The following USPL1 variants were observed in gnomAD, a reference collection of about 807,000 sequenced individuals.
USPL1 encodes ubiquitin specific peptidase like 1.
A neutral mutation model predicts 51.5 loss-of-function variants in USPL1; 27 were observed. That is an observed-to-expected ratio of 0.52 (90% CI 0.39 to 0.72). USPL1 has a LOEUF of 0.72. Ranked by LOEUF, USPL1 falls within the 30% of genes least tolerant of loss-of-function variation. USPL1 has a pLI of 0.00. For synonymous variants in USPL1, 451 were observed against 459.6 expected (o/e 0.98, Z 0.24); for missense variants, 1,226 against 1,268.0 (o/e 0.97, Z 0.50).
Position 30,658,696 on chromosome 13 carries a change from T to G in USPL1, c.2619T>G (p.Ser873=). The G allele has an allele frequency of 6.2e-7, 1 of 1,614,246 alleles. No individual in the cohort carries two copies. Among genetic ancestry groups the G allele is most frequent in the Non-Finnish European group, 8.5e-7 (1 of 1,180,044 alleles). Residue 873 remains serine, a synonymous_variant, in exon 9 of 9, where the codon TCT becomes TCG. Transcript: ENST00000255304. ...ACAGTTCTTATGGGAATGGTATTTC[T>G]TCAGCAAACCATGAAGACTTGGTGG... ...LNHSSYGNGI[S]SANHEDLVEG... is the part of the protein sequence containing the mutation.
intron 3 of USPL1, among the ~76,000 whole-genome samples, chr13:30,630,006 CT>C (rs1466823724): frequency 2.0e-5 from 3 of 151,984 alleles, no homozygotes. Flanking sequence ...CAGGGTCTTG[CT>C]CTGTTGCCCA....
chr13:30,626,152 C>T lies in USPL1; in HGVS notation c.228+4260C>T, dbSNP rs565862029. On this transcript the variant is annotated intron_variant, in intron 3 of 8. Transcript: ENST00000255304. ...CCAACATGGTGAAAACCTGTCTCTA[C>T]TAAAAATACAAAATAGCCGGGTGTG... Among the ~76,000 whole-genome samples the T allele has an allele frequency of 1.4e-3, 216 of 152,118 alleles. 2 individuals carry two copies. The highest frequency in any genetic ancestry group is 3.4e-4 in the Non-Finnish European group (23 of 67,980).
At chr13:30,641,498 G>A (rs9579623) in intron 5 of USPL1, among the ~76,000 whole-genome samples, 7,460 of 152,292 alleles carry the variant, frequency 0.049, 616 homozygotes, top group African/African-American at 0.17. Flanking sequence ...AGGGATGGAA[G>A]GACTCAGTCT....
chr13:30,645,960 T>C (rs2137686866), intron 6 of USPL1, among the ~76,000 whole-genome samples: 1 of 152,352 alleles, frequency 6.6e-6, no homozygotes, highest in Non-Finnish European at 1.5e-5. Context: ...CAGTCTCCTT[T>C]TTATAAACTA....
In USPL1 at chr13:30,659,414, T is replaced by C; in HGVS notation, c.*58T>C. On this transcript the variant is annotated 3_prime_UTR_variant, in exon 9 of 9. Coordinates refer to ENST00000255304, the MANE Select transcript of USPL1 (RefSeq NM_005800.5). ...TTATTATTATTAGAAGAACTTACAA[T>C]GTGTTCAGGTAGTGTTTATACACTG... 3 of 1,380,244 alleles carry C rather than the reference T, an allele frequency of 2.2e-6. No individual in the cohort carries two copies. Among genetic ancestry groups the C allele is most frequent in the Non-Finnish European group, 2.9e-6 (3 of 1,037,936 alleles). The allele number at this position is 1,380,244 out of a possible 1,614,324, so 85.5% of individuals were successfully genotyped here.
At chr13:30,646,388 G>C (rs1023935457) in intron 6 of USPL1, among the ~76,000 whole-genome samples, 2 of 151,746 alleles carry the variant, frequency 1.3e-5, no homozygotes, top group African/African-American at 4.8e-5. Context: ...AAGTTAAGTT[G>C]TATGTATTCC....
At chr13:30,646,075 A>T (rs1434374821) in intron 6 of USPL1, among the ~76,000 whole-genome samples, 1 of 152,200 alleles carries the variant, frequency 6.6e-6, no homozygotes, top group Non-Finnish European at 1.5e-5. Context: ...TTAAAATGTT[A>T]ACCTCCCTGA....
chr13:30,647,295 T>A (rs963189900), intron 7 of USPL1, among the ~76,000 whole-genome samples: 11 of 152,164 alleles, frequency 7.2e-5, no homozygotes, highest in African/African-American at 2.7e-4. Context: ...TGTCTTTCCT[T>A]CTTTTTGCCT....
intron 3 of USPL1, among the ~76,000 whole-genome samples, chr13:30,626,280 C>T (rs1026720294): frequency 6.6e-6 from 1 of 151,886 alleles, no homozygotes; most frequent in African/African-American, 2.4e-5. Flanking sequence ...AGCCACTGCA[C>T]TCCAGCCTGG....
chr13:30,659,297 T>C lies in USPL1; in HGVS notation c.3220T>C (p.Leu1074=), dbSNP rs773469117. The change falls in exon 9 of 9, where the codon TTA becomes CTA. Residue 1074 remains leucine (L), a synonymous_variant. Coordinates refer to ENST00000255304, the MANE Select transcript of USPL1 (RefSeq NM_005800.5). ...EFFSSSALNA[L]ANDTLDLPHF... Reference sequence around the variant, plus strand: ...TTTTTCCTCCTCAGCATTAAATGCTTTAGCAAATGACACATTAGACCTACC... The same window carrying C: ...TTTTTCCTCCTCAGCATTAAATGCTCTAGCAAATGACACATTAGACCTACC... 1 of 1,613,924 alleles carries C rather than the reference T, an allele frequency of 6.2e-7. No individual in the cohort carries two copies.
intron 7 of USPL1, among the ~76,000 whole-genome samples, chr13:30,649,595 A>G (rs1208209390): frequency 6.6e-6 from 1 of 152,218 alleles, no homozygotes; most frequent in Non-Finnish European, 1.5e-5. Flanking sequence ...CCATGGTGAC[A>G]TGGAGCACCA....
chr13:30,635,506 C>G (rs545372332), intron 4 of USPL1, among the ~76,000 whole-genome samples: 27 of 152,240 alleles, frequency 1.8e-4, no homozygotes, highest in African/African-American at 6.5e-4. Flanking sequence ...TTTGTCTAAC[C>G]CAGCACTCAT....
intron 7 of USPL1, among the ~76,000 whole-genome samples, chr13:30,648,586 T>A (rs1951048184): frequency 6.6e-6 from 1 of 152,234 alleles, no homozygotes; most frequent in Admixed American, 6.5e-5. Flanking sequence ...CACTCCGTAG[T>A]ACTCATGTCT....
Position 30,642,730 on chromosome 13 carries a change from C to G in USPL1, c.1085C>G (p.Ser362Trp), listed in dbSNP as rs528822246. The change falls in exon 6 of 9, where the codon TCG becomes TGG. Residue 362 changes from serine (S) to tryptophan (W), a missense_variant. Coordinates refer to ENST00000255304, the MANE Select transcript of USPL1 (RefSeq NM_005800.5). ...TCTTTTTCTTGGGACTTTGAATGTTCGCAGTGTGGACACCAATATCAAAAC... is the reference window on the plus strand; with the variant it reads ...TCTTTTTCTTGGGACTTTGAATGTTGGCAGTGTGGACACCAATATCAAAAC... The part of the protein sequence containing the change: ...LYSFSWDFEC[S>W]QCGHQYQNRH... 1 of 1,613,438 alleles carries G rather than the reference C, an allele frequency of 6.2e-7. No individual in the cohort carries two copies. The highest frequency in any genetic ancestry group is 1.7e-5 in the Admixed American group (1 of 59,914).
At position 30,621,856 on chromosome 13, in the gene USPL1, T is replaced by C. The variant is rs750955136; in HGVS notation, c.192T>C (p.Ser64=). Residue 64 remains serine (S), a synonymous_variant, in exon 3 of 9, where the codon AGT becomes AGC. Transcript: ENST00000255304. ...KLKALKTYRI[S]FQESIFLCED... ...AAGCCTTAAAGACTTACCGAATTAG[T>C]TTTCAAGAATCTATCTTTTTGTGTG... 5 of 1,578,494 alleles carry C rather than the reference T, an allele frequency of 3.2e-6. No individual in the cohort carries two copies. Among genetic ancestry groups the C allele is most frequent in the Non-Finnish European group, 4.3e-6 (5 of 1,164,004 alleles).
Position 30,631,169 on chromosome 13 carries a change from C to G in USPL1, c.563C>G (p.Pro188Arg), listed in dbSNP as rs774731719. ...DTVDMATTKD[P>R]ATVDVSGTGR... ...GTTGACATGGCTACTACAAAAGATC[C>G]TGCTACAGTTGATGTCTCTGGAACT... is the stretch of plus-strand genomic sequence containing the variant. Residue 188 changes from proline (P) to arginine (R), a missense_variant, in exon 4 of 9, where the codon CCT becomes CGT. Coordinates refer to ENST00000255304, the MANE Select transcript of USPL1 (RefSeq NM_005800.5). 6.2e-7 allele frequency: 1 copy of G among 1,614,138 alleles called. No individual in the cohort carries two copies. Among genetic ancestry groups the G allele is most frequent in the Admixed American group, 1.7e-5 (1 of 60,006 alleles).
intron 5 of USPL1, among the ~76,000 whole-genome samples, chr13:30,641,856 A>C (rs1447633346): frequency 2.0e-5 from 3 of 152,126 alleles, no homozygotes; most frequent in Admixed American, 6.5e-5. Flanking sequence ...GTGTTTCTAC[A>C]GTGTTTCACT....
chr13:30,650,955 C>T (rs949517177), intron 7 of USPL1, among the ~76,000 whole-genome samples: 3 of 151,498 alleles, frequency 2.0e-5, no homozygotes, highest in African/African-American at 7.3e-5. Context: ...GTGCCCTGCA[C>T]TCCAACTTGG....
At chr13:30,626,530 A>T (rs1950719109) in intron 3 of USPL1, among the ~76,000 whole-genome samples, 1 of 152,164 alleles carries the variant, frequency 6.6e-6, no homozygotes, top group Non-Finnish European at 1.5e-5. Context: ...CATAAAATCT[A>T]AATATTTATT....
Sources: allele counts gnomAD v4.1 joint callset (sites outside exome capture counted in the v4.1 genomes callset), GRCh38; gene constraint gnomAD v4.1.1; transcripts MANE v1.5; gene names NCBI Gene and HGNC (gene_info 2026-07-23, HGNC 2026-07-21).